Variants in ME2 observed in about 807,000 individuals in gnomAD.
The protein encoded by ME2 is NAD-dependent malic enzyme, mitochondrial.
Under a neutral mutation model 73.7 loss-of-function variants are expected in ME2, and 60 were observed. The ratio of observed to expected loss-of-function variants is 0.81; its 90% confidence interval spans 0.66 to 1.01. The LOEUF (loss-of-function observed/expected upper bound fraction) is 1.01, where lower values mean the gene tolerates loss of function less well. Among genes scored for constraint, ME2 ranks in the 50% least tolerant of loss-of-function variants. The probability of loss-of-function intolerance (pLI) is 0.00; values close to 1 mark genes in which losing one functional copy is unlikely to be tolerated. For missense variants in ME2, 594 were observed against 705.5 expected, an observed-to-expected ratio of 0.84 and a Z score of 1.79; for synonymous variants, 199 against 236.9, an observed-to-expected ratio of 0.84 and a Z score of 1.47.
At chr18:50,932,940 G>A (rs540721869) in intron 13 of ME2, 1 of 152,278 alleles carries the variant, frequency 6.6e-6, no homozygotes, top group Non-Finnish European at 1.5e-5. Context: ...GAGCCACCAC[G>A]CCCAGCCAGG....
rs1384507949 is a variant in ME2 at position 50,952,302 on chromosome 18, TA to T, written c.*5120del. 6.6e-6 allele frequency: 1 copy of T among 152,226 alleles called. No homozygotes were observed. The highest frequency in any genetic ancestry group is 1.5e-5 in the Non-Finnish European group (1 of 68,048). The allele number at this position is 152,226 out of a possible 1,614,324, so 9.4% of individuals were successfully genotyped here. ...AGCAGTGTTTTATTTCAAATTTCAG[TA>T]AGTTCAGGTGGGCCTAATTAAGACA... is the stretch of plus-strand genomic sequence containing the variant. On this transcript the variant is annotated 3_prime_UTR_variant, in exon 16 of 16. Transcript: ENST00000321341.
chr18:50,920,484 G>A lies in ME2; in HGVS notation c.763G>A (p.Glu255Lys), dbSNP rs766432811. Reference protein sequence around the residue: ...RYGRNTLIQFEDFGNHNAFRF... With the variant: ...RYGRNTLIQFKDFGNHNAFRF... ...TGGCCGGAACACACTCATTCAGTTC[G>A]AAGACTTTGGAAATCATAATGCATT... is the stretch of plus-strand genomic sequence containing the variant. The change falls in exon 8 of 16, where the codon GAA becomes AAA. Residue 255 changes from glutamate (E) to lysine (K), a missense_variant. Coordinates refer to ENST00000321341, the MANE Select transcript of ME2 (RefSeq NM_002396.5). 27 of 1,598,682 alleles carry A rather than the reference G, an allele frequency of 1.7e-5. No homozygotes were observed. Among genetic ancestry groups the A allele is most frequent in the South Asian group, 3.5e-5 (3 of 86,952 alleles).
chr18:50,898,309 A>G (rs769324896), intron 2 of ME2, among the ~76,000 whole-genome samples: 22 of 152,322 alleles, frequency 1.4e-4, no homozygotes, highest in African/African-American at 4.8e-4. Context: ...AAAATTGACA[A>G]TTTTAACTAT....
chr18:50,893,381 G>T (rs1242694654), intron 1 of ME2, among the ~76,000 whole-genome samples: 1 of 152,100 alleles, frequency 6.6e-6, no homozygotes, highest in African/African-American at 2.4e-5. Flanking sequence ...CAATGAAAAA[G>T]GATGAGGATA....
intron 10 of ME2, among the ~76,000 whole-genome samples, chr18:50,923,467 C>A (rs75019188): frequency 3.4e-4 from 52 of 152,128 alleles, no homozygotes; most frequent in Non-Finnish European, 6.6e-4. Context: ...ATGAAAAATT[C>A]TCAGCCAGGA....
chr18:50,882,602 G>C (rs920727225), intron 1 of ME2, among the ~76,000 whole-genome samples: 2 of 152,148 alleles, frequency 1.3e-5, no homozygotes, highest in African/African-American at 4.8e-5. Context: ...ATTGGGACCA[G>C]ACGTAAGATC....
intron 2 of ME2, among the ~76,000 whole-genome samples, chr18:50,900,767 A>G (rs1031584914): frequency 6.6e-6 from 1 of 152,044 alleles, no homozygotes; most frequent in South Asian, 2.1e-4. Flanking sequence ...GTGAGTTCTC[A>G]CAAGATCTGG....
intron 1 of ME2, among the ~76,000 whole-genome samples, chr18:50,891,887 C>T (rs928396061): frequency 2.6e-5 from 4 of 151,216 alleles, no homozygotes; most frequent in Non-Finnish European, 4.4e-5. Context: ...AGTCTCGGCT[C>T]ACTGCAGCTC....
intron 2 of ME2, among the ~76,000 whole-genome samples, chr18:50,900,328 T>C (rs1290060032): frequency 6.6e-6 from 1 of 151,796 alleles, no homozygotes; most frequent in East Asian, 1.9e-4. Context: ...GGAGTCTCGC[T>C]CTGTTGCCCA....
intron 13 of ME2, among the ~76,000 whole-genome samples, chr18:50,937,516 G>T (rs1291296798): frequency 7.9e-5 from 12 of 152,076 alleles, no homozygotes; most frequent in African/African-American, 2.9e-4. Context: ...CTAGTCATCT[G>T]AAGAAAGTCT....
chr18:50,902,622 C>G (rs571669617), intron 2 of ME2, among the ~76,000 whole-genome samples: 3 of 152,320 alleles, frequency 2.0e-5, no homozygotes, highest in African/African-American at 7.2e-5. Context: ...ATCTCGAACT[C>G]CTGACCTCAG....
At chr18:50,900,466 T>C (rs1248906317) in intron 2 of ME2, among the ~76,000 whole-genome samples, 1 of 151,688 alleles carries the variant, frequency 6.6e-6, no homozygotes, top group African/African-American at 2.4e-5. Flanking sequence ...AGCTAATTTT[T>C]TGTATTTTTA....
intron 1 of ME2, among the ~76,000 whole-genome samples, chr18:50,890,363 C>T (rs575286770): frequency 4.6e-5 from 7 of 152,190 alleles, no homozygotes; most frequent in Admixed American, 6.5e-5. Context: ...ATCCACCCAT[C>T]TCAGCCTCCC....
chr18:50,917,174 G>A, intron 5 of ME2, 173 bp from the exon 6 acceptor site: 1 of 531,744 alleles, frequency 1.9e-6, no homozygotes, highest in Non-Finnish European at 3.3e-6. Flanking sequence ...ATACTCAGAA[G>A]TCCTAGAATT....
At chr18:50,930,959 G>A (rs1325466200) in intron 12 of ME2, among the ~76,000 whole-genome samples, 1 of 152,202 alleles carries the variant, frequency 6.6e-6, no homozygotes, top group Non-Finnish European at 1.5e-5. Flanking sequence ...TACTAGCATA[G>A]TTAGCTTGCT....
chr18:50,925,128 C>T (rs988166746), intron 11 of ME2, among the ~76,000 whole-genome samples: 2 of 152,134 alleles, frequency 1.3e-5, no homozygotes, highest in South Asian at 2.1e-4. Context: ...CAAGTTTCAT[C>T]CATGTGGTAG....
chr18:50,905,030 A>G (rs1916986778), intron 2 of ME2, among the ~76,000 whole-genome samples: 1 of 151,374 alleles, frequency 6.6e-6, no homozygotes, highest in South Asian at 2.1e-4. Context: ...CTCTGTCACC[A>G]GGCTGGAGTG....
intron 1 of ME2, among the ~76,000 whole-genome samples, chr18:50,895,452 A>G (rs1198598151): frequency 6.6e-6 from 1 of 152,188 alleles, no homozygotes; most frequent in Non-Finnish European, 1.5e-5. Flanking sequence ...CCTTCAAGCT[A>G]AACTCTCACT....
At chr18:50,890,524 AC>A (rs2144187974) in intron 1 of ME2, among the ~76,000 whole-genome samples, 1 of 152,316 alleles carries the variant, frequency 6.6e-6, no homozygotes, top group Admixed American at 6.5e-5. Context: ...ACAACTACTT[AC>A]AAAATTATTT....
Sources: allele counts gnomAD v4.1 joint callset (sites outside exome capture counted in the v4.1 genomes callset), GRCh38; gene constraint gnomAD v4.1.1; transcripts MANE v1.5; gene names NCBI Gene and HGNC (gene_info 2026-07-23, HGNC 2026-07-21).